The following CCDC15 variants were observed in gnomAD, a reference collection of about 807,000 sequenced individuals.
The protein encoded by CCDC15 is coiled-coil domain-containing protein 15.
CCDC15 carries 105 observed loss-of-function variants against 114.5 expected under a neutral mutation model. That is an observed-to-expected ratio of 0.92 (90% CI 0.78 to 1.08). The LOEUF is 1.08. CCDC15 is among the 50% of genes least tolerant of loss of function. The probability of loss-of-function intolerance (pLI) is 0.00; values close to 1 mark genes in which losing one functional copy is unlikely to be tolerated. For missense variants in CCDC15, 1,105 were observed against 1,093.6 expected (o/e 1.01, Z -0.15); for synonymous variants, 334 against 377.8 (o/e 0.88, Z 1.34).
In CCDC15 at chr11:125,009,381, T is replaced by C. The variant is rs373715407; in HGVS notation, c.2411+4169T>C. 9.5e-4 allele frequency among the ~76,000 whole-genome samples: 144 copies of C among 151,894 alleles called. 1 individual carries two copies. The highest frequency in any genetic ancestry group is 3.4e-3 in the African/African-American group (139 of 41,400). On this transcript the variant is annotated intron_variant, in intron 13 of 15. Coordinates refer to ENST00000344762, the MANE Select transcript of CCDC15 (RefSeq NM_025004.3). ...TATAAAATATAAAGCAATAACACTT[T>C]TATTTTGAAACACTCTGTATAATAC...
At chr11:125,008,688 T>C (rs1454476241) in intron 13 of CCDC15, among the ~76,000 whole-genome samples, 1 of 152,106 alleles carries the variant, frequency 6.6e-6, no homozygotes, top group Non-Finnish European at 1.5e-5. Flanking sequence ...TCTCCATCAG[T>C]TGCATTTCTT....
In CCDC15 at chr11:124,954,797, C is replaced by T; in HGVS notation, c.65C>T (p.Pro22Leu). Residue 22 changes from proline to leucine, a missense_variant, in exon 2 of 16, where the codon CCC becomes CTC. Pro to Leu is a moderately conservative substitution (Grantham distance 98, BLOSUM62 -3). Coordinates refer to ENST00000344762, the MANE Select transcript of CCDC15 (RefSeq NM_025004.3). ...NTSRLPLALN[P>L]LKSKDVLAVL... ...TCAAGGTTGCCCCTGGCTTTAAACC[C>T]CCTGAAGAGCAAGGACGTGTTGGCA... The T allele has an allele frequency of 6.2e-7, 1 of 1,613,994 alleles. No individual in the cohort carries two copies. The highest frequency in any genetic ancestry group is 8.5e-7 in the Non-Finnish European group (1 of 1,179,882).
At chr11:124,967,045 G>A (rs1375422531) in intron 4 of CCDC15, among the ~76,000 whole-genome samples, 1 of 152,194 alleles carries the variant, frequency 6.6e-6, no homozygotes, top group Middle Eastern at 3.4e-3. Context: ...TGGGTAACCC[G>A]ACCTTCTCTG....
chr11:125,010,878 C>T (rs980117644), intron 13 of CCDC15, among the ~76,000 whole-genome samples: 1 of 152,110 alleles, frequency 6.6e-6, no homozygotes, highest in Non-Finnish European at 1.5e-5. Flanking sequence ...AAGCTGATGT[C>T]CAGAGTGGTA....
At chr11:125,040,159 A>G (rs559274879) in intron 15 of CCDC15, among the ~76,000 whole-genome samples, 3 of 151,600 alleles carry the variant, frequency 2.0e-5, no homozygotes, top group South Asian at 2.1e-4. Context: ...GCCTCAGCCT[A>G]CCGAATATCT....
intron 4 of CCDC15, among the ~76,000 whole-genome samples, chr11:124,966,960 A>G (rs1451831893): frequency 6.6e-6 from 1 of 152,204 alleles, no homozygotes; most frequent in African/African-American, 2.4e-5. Context: ...AATGTTGAAT[A>G]TTGGCCCCCA....
chr11:124,985,495 C>G (rs1044332227), intron 6 of CCDC15, among the ~76,000 whole-genome samples: 2 of 152,060 alleles, frequency 1.3e-5, no homozygotes, highest in Non-Finnish European at 2.9e-5. Flanking sequence ...TTATTATTGT[C>G]CTTCTCTTCT....
At chr11:124,966,766 G>A (rs1437415344) in intron 4 of CCDC15, among the ~76,000 whole-genome samples, 1 of 152,130 alleles carries the variant, frequency 6.6e-6, no homozygotes, top group Non-Finnish European at 1.5e-5. Flanking sequence ...GCATGTTTTT[G>A]CAGTGGCTGG....
In CCDC15 at chr11:124,992,693, A is replaced by G. The variant is rs927124999; in HGVS notation, c.2139+6A>G. On this transcript the variant is annotated splice_donor_region_variant and intron_variant, in intron 10 of 15. Transcript: ENST00000344762. ...AAGACTCCCCTAGAGAACAGGTAGAACCGAATACAGTAGGAGGACTGTATA... is the reference window on the plus strand; with the variant it reads ...AAGACTCCCCTAGAGAACAGGTAGAGCCGAATACAGTAGGAGGACTGTATA... The G allele has an allele frequency of 1.8e-5, 27 of 1,479,908 alleles. No homozygotes were observed. Among genetic ancestry groups the G allele is most frequent in the Non-Finnish European group, 2.5e-5 (27 of 1,071,840 alleles). 91.7% of individuals were successfully genotyped at this position (1,479,908 alleles called of 1,614,324 possible). A position where few individuals can be genotyped will look rare whatever the true frequency, so the allele number is the denominator to read the frequency against.
At position 124,959,161 on chromosome 11, in the gene CCDC15, A is replaced by G; in HGVS notation, c.224A>G (p.Lys75Arg). The G allele has an allele frequency of 6.3e-7, 1 of 1,591,044 alleles. No homozygotes were observed. Among genetic ancestry groups the G allele is most frequent in the East Asian group, 2.2e-5 (1 of 44,480 alleles). ...GAAGAACTAAAGGAACAGCTAAGAA[A>G]AAAACAAGAAGCTTTGAAACATTTT... The part of the protein sequence containing the change: ...IEEELKEQLR[K>R]KQEALKHFQK... The change falls in exon 3 of 16, where the codon AAA (lysine) becomes AGA (arginine). Residue 75 changes from lysine to arginine, a missense_variant. Transcript: ENST00000344762.
intron 4 of CCDC15, among the ~76,000 whole-genome samples, chr11:124,972,486 A>G (rs1056358661): frequency 6.6e-6 from 1 of 152,208 alleles, no homozygotes; most frequent in Non-Finnish European, 1.5e-5. Context: ...TGCATAATTT[A>G]ATTTATAATA....
chr11:124,984,639 C>T (rs1268618659), intron 6 of CCDC15, among the ~76,000 whole-genome samples: 1 of 152,162 alleles, frequency 6.6e-6, no homozygotes, highest in Non-Finnish European at 1.5e-5. Context: ...TCCCTGCCAG[C>T]GCAAGTGTCA....
At chr11:124,996,245 C>T (rs1948366545) in intron 11 of CCDC15, among the ~76,000 whole-genome samples, 1 of 152,170 alleles carries the variant, frequency 6.6e-6, no homozygotes, top group Admixed American at 6.5e-5. Flanking sequence ...CAGTGCCCTA[C>T]CCTGACTATT....
intron 13 of CCDC15, among the ~76,000 whole-genome samples, chr11:125,027,104 A>G (rs921546847): frequency 4.6e-5 from 7 of 152,144 alleles, no homozygotes; most frequent in Admixed American, 1.3e-4. Context: ...TCCATGGTGT[A>G]TATATACACC....
intron 13 of CCDC15, among the ~76,000 whole-genome samples, chr11:125,036,497 A>G (rs1948774966): frequency 6.6e-6 from 1 of 151,420 alleles, no homozygotes; most frequent in Non-Finnish European, 1.5e-5. Context: ...GCACTTGAAT[A>G]TTGATATCTT....
intron 11 of CCDC15, among the ~76,000 whole-genome samples, chr11:124,999,017 G>A (rs576452233): frequency 3.0e-4 from 46 of 152,010 alleles, no homozygotes; most frequent in African/African-American, 1.1e-3. Flanking sequence ...GATTACAGGC[G>A]TGAACCACTG....
intron 3 of CCDC15, among the ~76,000 whole-genome samples, chr11:124,959,600 G>T (rs1279624849): frequency 1.2e-4 from 18 of 152,144 alleles, no homozygotes; most frequent in Admixed American, 1.2e-3. Flanking sequence ...ATAAGGATAT[G>T]ATACTTCTCT....
intron 5 of CCDC15, among the ~76,000 whole-genome samples, chr11:124,976,408 A>G (rs1169630174): frequency 6.6e-6 from 1 of 152,060 alleles, no homozygotes; most frequent in Non-Finnish European, 1.5e-5. Flanking sequence ...ATATGTGTCC[A>G]TGTATGGCAA....
At position 125,041,421 on chromosome 11, in the gene CCDC15, T is replaced by C. The variant is rs550901035; in HGVS notation, c.*710T>C. On this transcript the variant is annotated 3_prime_UTR_variant, in exon 16 of 16. Coordinates refer to ENST00000344762, the MANE Select transcript of CCDC15 (RefSeq NM_025004.3). ...GTGAGTAAATTCCTTATTTCCCTAT[T>C]TTTTAAAAACCTGGTATATGACATG... 1.3e-5 allele frequency: 2 copies of C among 152,140 alleles called. No individual in the cohort carries two copies. Among genetic ancestry groups the C allele is most frequent in the Non-Finnish European group, 2.9e-5 (2 of 68,002 alleles). The allele number at this position is 152,140 out of a possible 1,614,324, so 9.4% of individuals were successfully genotyped here.
Sources: allele counts gnomAD v4.1 joint callset (sites outside exome capture counted in the v4.1 genomes callset), GRCh38; gene constraint gnomAD v4.1.1; transcripts MANE v1.5; gene names NCBI Gene and HGNC (gene_info 2026-07-23, HGNC 2026-07-21).